The following NFAT5 variants were observed in gnomAD, a reference collection of about 807,000 sequenced individuals.
The protein encoded by NFAT5 is nuclear factor of activated T cells 5, also known as nuclear factor of activated T-cells 5.
A neutral mutation model predicts 166.5 loss-of-function variants in NFAT5; 31 were observed. The ratio of observed to expected loss-of-function variants is 0.19; its 90% CI spans 0.14 to 0.25. The LOEUF (loss-of-function observed/expected upper bound fraction) is 0.25. NFAT5 is among the 10% of genes least tolerant of loss of function. The pLI, the probability that NFAT5 is intolerant of heterozygous loss-of-function variation, is 1.00. For missense variants in NFAT5, 1,449 were observed against 1,821.8 expected (o/e 0.80, Z 3.72); for synonymous variants, 612 against 639.7 (o/e 0.96, Z 0.65).
At chr16:69,592,962 C>A (rs557772037) in intron 2 of NFAT5, among the ~76,000 whole-genome samples, 4 of 152,218 alleles carry the variant, frequency 2.6e-5, no homozygotes, top group Admixed American at 2.6e-4. Context: ...CTTTTTAAAA[C>A]TGGAACTATT....
Position 69,647,526 on chromosome 16 carries a change from C to T in NFAT5, c.752C>T (p.Pro251Leu). ...TTTGATGCCGACAGTGCCAAAGCAC[C>T]TCACTATGTGCTTTCTCAGCTTACC... ...DIFDADSAKA[P>L]HYVLSQLTTD... The change falls in exon 4 of 15, where the codon CCT becomes CTT. Residue 251 changes from proline (P) to leucine (L), a missense_variant. Physicochemically the swap from Pro to Leu is moderately conservative, Grantham distance 98 (BLOSUM62 -3). Coordinates refer to ENST00000349945, the MANE Select transcript of NFAT5 (RefSeq NM_138713.4). The surrounding 1 kb of genome is among the most constrained non-coding windows in gnomAD (Gnocchi z 4.8). 6.2e-7 allele frequency: 1 copy of T among 1,605,672 alleles called. No homozygotes were observed. Among genetic ancestry groups the T allele is most frequent in the Non-Finnish European group, 8.5e-7 (1 of 1,179,502 alleles).
At chr16:69,664,739 A>G (rs577593266) in intron 7 of NFAT5, among the ~76,000 whole-genome samples, 3 of 152,082 alleles carry the variant, frequency 2.0e-5, no homozygotes, top group Admixed American at 1.3e-4. Context: ...CAGCTTATAA[A>G]TAACTTGGTC....
chr16:69,673,510 G>C (rs1282409833), intron 9 of NFAT5, among the ~76,000 whole-genome samples: 2 of 152,044 alleles, frequency 1.3e-5, no homozygotes, highest in African/African-American at 4.8e-5. Context: ...ATTGCTTGAA[G>C]CTGGGAGTTT....
intron 2 of NFAT5, among the ~76,000 whole-genome samples, chr16:69,600,367 T>G (rs1315967198): frequency 6.6e-6 from 1 of 151,906 alleles, no homozygotes; most frequent in Non-Finnish European, 1.5e-5. Flanking sequence ...GAGTAATAAA[T>G]GTGAATAGAG....
At chr16:69,659,079 C>G (rs1262873124) in intron 6 of NFAT5, among the ~76,000 whole-genome samples, 1 of 151,022 alleles carries the variant, frequency 6.6e-6, no homozygotes, top group Non-Finnish European at 1.5e-5. Context: ...TCCATTTTAT[C>G]TGTTTTCTGA....
chr16:69,641,054 C>T (rs1156290762), intron 3 of NFAT5, among the ~76,000 whole-genome samples: 1 of 150,898 alleles, frequency 6.6e-6, no homozygotes, highest in Non-Finnish European at 1.5e-5. Flanking sequence ...CCAAAGTGGG[C>T]AGAACACAAG....
At chr16:69,587,668 C>T (rs573936667) in intron 2 of NFAT5, among the ~76,000 whole-genome samples, 2 of 152,226 alleles carry the variant, frequency 1.3e-5, no homozygotes, top group East Asian at 3.9e-4. Flanking sequence ...GGATTATAGG[C>T]ATGAGCCACT....
In NFAT5 at chr16:69,692,422, C is replaced by T; in HGVS notation, c.2597C>T (p.Ser866Leu). Residue 866 changes from serine to leucine, a missense_variant, in exon 13 of 15, where the codon TCA becomes TTA. Coordinates refer to ENST00000349945, the MANE Select transcript of NFAT5 (RefSeq NM_138713.4). ...GGTGTAAGCCCTGGAATGTTTTCCTCAACAGAGCCAACAGTCCATACCAGA... is the reference window on the plus strand; with the variant it reads ...GGTGTAAGCCCTGGAATGTTTTCCTTAACAGAGCCAACAGTCCATACCAGA... ...QSGVSPGMFS[S>L]TEPTVHTRPD... The T allele has an allele frequency of 6.2e-7, 1 of 1,614,194 alleles. No individual in the cohort carries two copies.
chr16:69,650,351 A>G (rs2035612930), intron 4 of NFAT5, among the ~76,000 whole-genome samples: 1 of 152,024 alleles, frequency 6.6e-6, no homozygotes, highest in Non-Finnish European at 1.5e-5. Context: ...GCATTAGTGG[A>G]TGTTTTCATG....
intron 2 of NFAT5, among the ~76,000 whole-genome samples, chr16:69,619,255 C>G (rs2151569085): frequency 1.3e-5 from 2 of 152,298 alleles, no homozygotes; most frequent in East Asian, 3.9e-4. Context: ...AGAACTTAGA[C>G]TTCTTTTCAA....
At chr16:69,604,208 A>G (rs1371132774) in intron 2 of NFAT5, among the ~76,000 whole-genome samples, 1 of 152,214 alleles carries the variant, frequency 6.6e-6, no homozygotes, top group Non-Finnish European at 1.5e-5. Context: ...CAACGTGCAC[A>G]CACACACTCC....
chr16:69,649,205 C>T, intron 4 of NFAT5: 1 of 961,240 alleles, frequency 1.0e-6, no homozygotes, highest in Non-Finnish European at 1.2e-6. Flanking sequence ...TAACACAGAT[C>T]TAAAAGTCTC....
At chr16:69,677,780 G>A (rs971754596) in intron 10 of NFAT5, among the ~76,000 whole-genome samples, 1 of 152,026 alleles carries the variant, frequency 6.6e-6, no homozygotes, top group Non-Finnish European at 1.5e-5. Flanking sequence ...AAAGACTGAT[G>A]GTGAATAAAT....
Position 69,699,562 on chromosome 16 carries a change from G to C in NFAT5, c.*3211G>C, listed in dbSNP as rs1309937423. 6.6e-6 allele frequency: 1 copy of C among 152,558 alleles called. No homozygotes were observed. Among genetic ancestry groups the C allele is most frequent in the Non-Finnish European group, 1.5e-5 (1 of 68,030 alleles). 9.5% of individuals were successfully genotyped at this position (152,558 alleles called of 1,614,324 possible). The stretch of plus-strand genomic sequence containing the variant: ...TGAAAATACAATTTGGCTACGAAGA[G>C]TATTCATCTTCTTTGAAGCTCAGTG... On this transcript the variant is annotated 3_prime_UTR_variant, in exon 15 of 15. Transcript: ENST00000349945.
chr16:69,653,459 G>A (rs1245781051), intron 5 of NFAT5, 31 bp downstream of exon 5: 3 of 1,332,224 alleles, frequency 2.3e-6, no homozygotes, highest in South Asian at 3.3e-5. Flanking sequence ...TTGAATTTTA[G>A]TTAAAATGTA....
intron 2 of NFAT5, among the ~76,000 whole-genome samples, chr16:69,590,929 A>G (rs749537470): frequency 6.6e-5 from 10 of 151,814 alleles, no homozygotes; most frequent in East Asian, 3.9e-4. Context: ...TTATTTCCCA[A>G]ATTGTATTTT....
intron 14 of NFAT5, 86 bp from the exon 15 acceptor site, chr16:69,696,272 AAT>A (rs1379575069): frequency 1.3e-5 from 2 of 152,198 alleles, no homozygotes; most frequent in South Asian, 2.1e-4. Context: ...ACAGTACCAT[AAT>A]ATACTTTAGG....
At chr16:69,672,902 C>A (rs965384743) in intron 9 of NFAT5, among the ~76,000 whole-genome samples, 2 of 152,106 alleles carry the variant, frequency 1.3e-5, no homozygotes, top group African/African-American at 2.4e-5. Context: ...GAGAGACTTG[C>A]CTTATAAATT....
At chr16:69,608,776 G>A (rs1485256806) in intron 2 of NFAT5, among the ~76,000 whole-genome samples, 2 of 150,106 alleles carry the variant, frequency 1.3e-5, no homozygotes, top group African/African-American at 2.4e-5. Context: ...CACCACGCCC[G>A]GCTAATTTTT....
Sources: allele counts gnomAD v4.1 joint callset (sites outside exome capture counted in the v4.1 genomes callset), GRCh38; gene constraint gnomAD v4.1.1; non-coding constraint Gnocchi (gnomAD v3.1); transcripts MANE v1.5; gene names NCBI Gene and HGNC (gene_info 2026-07-23, HGNC 2026-07-21).